The following EFCAB6 variants were observed in gnomAD, a reference collection of about 807,000 sequenced individuals.
The protein encoded by EFCAB6 is EF-hand calcium binding domain 6, also known as EF-hand calcium-binding domain-containing protein 6.
EFCAB6 carries 156 observed loss-of-function variants against 169.8 expected under a neutral mutation model. That is an observed-to-expected ratio of 0.92 (90% CI 0.81 to 1.05). EFCAB6 has a LOEUF of 1.05. EFCAB6 is among the 50% of genes least tolerant of loss of function. The pLI is 0.00. For synonymous variants in EFCAB6, 698 were observed against 676.4 expected (o/e 1.03, Z -0.50); for missense variants, 1,800 against 1,829.1 (o/e 0.98, Z 0.29).
intron 3 of EFCAB6, among the ~76,000 whole-genome samples, chr22:43,774,499 G>A (rs1049073764): frequency 6.6e-6 from 1 of 151,742 alleles, no homozygotes; most frequent in African/African-American, 2.4e-5. Flanking sequence ...CACCCACTGA[G>A]GGCCCAGCGC....
chr22:43,792,481 C>G (rs1357467730), intron 2 of EFCAB6, among the ~76,000 whole-genome samples: 1 of 152,122 alleles, frequency 6.6e-6, no homozygotes, highest in Non-Finnish European at 1.5e-5. Context: ...AATAATAAAA[C>G]AAGATTGAAG....
At chr22:43,754,951 T>C (rs1235387237) in intron 6 of EFCAB6, among the ~76,000 whole-genome samples, 2 of 152,238 alleles carry the variant, frequency 1.3e-5, no homozygotes, top group Non-Finnish European at 2.9e-5. Flanking sequence ...AACAGGTTTT[T>C]AGAAACACAT....
At chr22:43,616,867 A>C (rs2053725822) in intron 20 of EFCAB6, among the ~76,000 whole-genome samples, 1 of 152,124 alleles carries the variant, frequency 6.6e-6, no homozygotes, top group Non-Finnish European at 1.5e-5. Context: ...CCATGTGCAC[A>C]CCCACATTGG....
chr22:43,706,757 G>A (rs972394139), intron 10 of EFCAB6, among the ~76,000 whole-genome samples: 3 of 152,124 alleles, frequency 2.0e-5, no homozygotes, highest in African/African-American at 4.8e-5. Context: ...ATGTGTCCAC[G>A]TCAGAAACTC....
intron 2 of EFCAB6, chr22:43,802,460 G>A (rs566595788): frequency 8.7e-6 from 2 of 230,742 alleles, no homozygotes; most frequent in South Asian, 1.2e-4. Flanking sequence ...GAACCCAGGA[G>A]GCAGAGGTTG....
At chr22:43,629,001 T>C (rs985131674) in intron 19 of EFCAB6, among the ~76,000 whole-genome samples, 2 of 152,178 alleles carry the variant, frequency 1.3e-5, no homozygotes, top group Non-Finnish European at 2.9e-5. Flanking sequence ...AGCACTCTGC[T>C]GGGTACACAG....
At chr22:43,584,589 T>A (rs1301305985) in intron 24 of EFCAB6, among the ~76,000 whole-genome samples, 1 of 152,078 alleles carries the variant, frequency 6.6e-6, no homozygotes, top group African/African-American at 2.4e-5. Context: ...CTATAACAAC[T>A]TTCCAAGGGA....
intron 10 of EFCAB6, among the ~76,000 whole-genome samples, chr22:43,700,164 C>T (rs1220946500): frequency 6.6e-6 from 1 of 152,186 alleles, no homozygotes; most frequent in African/African-American, 2.4e-5. Context: ...ATACTACACA[C>T]ATGCACATAC....
chr22:43,766,890 C>T (rs1274354931), intron 4 of EFCAB6, among the ~76,000 whole-genome samples: 1 of 151,960 alleles, frequency 6.6e-6, no homozygotes, highest in African/African-American at 2.4e-5. Context: ...GATGGAGTCT[C>T]ATTCTGTTGC....
intron 8 of EFCAB6, among the ~76,000 whole-genome samples, chr22:43,718,677 A>C (rs1473519176): frequency 6.6e-6 from 1 of 152,140 alleles, no homozygotes; most frequent in East Asian, 1.9e-4. Context: ...GCTCCTCGGG[A>C]GGCTGAGTCA....
At chr22:43,730,631 G>A (rs1321667246) in intron 8 of EFCAB6, among the ~76,000 whole-genome samples, 5 of 152,062 alleles carry the variant, frequency 3.3e-5, no homozygotes, top group Admixed American at 6.5e-5. Flanking sequence ...TTCCATATAT[G>A]TGCCACGGAG....
chr22:43,678,480 G>C (rs972738025), intron 12 of EFCAB6, among the ~76,000 whole-genome samples: 2 of 152,042 alleles, frequency 1.3e-5, no homozygotes, highest in African/African-American at 4.8e-5. Context: ...CCCTTCCCCA[G>C]GGGCTTGAAT....
chr22:43,559,620 C>G (rs2048908667), intron 26 of EFCAB6, among the ~76,000 whole-genome samples: 1 of 152,180 alleles, frequency 6.6e-6, no homozygotes, highest in Non-Finnish European at 1.5e-5. Flanking sequence ...CCCAAATGCC[C>G]ATCAATGATA....
intron 10 of EFCAB6, among the ~76,000 whole-genome samples, chr22:43,709,104 C>T (rs2059063956): frequency 6.6e-6 from 1 of 152,116 alleles, no homozygotes. Flanking sequence ...TTTTTTGGGA[C>T]AGAGTCGTGC....
intron 26 of EFCAB6, among the ~76,000 whole-genome samples, chr22:43,575,189 G>GTTGT (rs1555933692): frequency 1.1e-4 from 16 of 148,470 alleles, no homozygotes; most frequent in Admixed American, 5.6e-4. Flanking sequence ...TGTTGTTGTT[G>GTTGT]TTGTTTGTTT....
At position 43,683,871 on chromosome 22, in the gene EFCAB6, G is replaced by C; in HGVS notation, c.1143-16C>G. 1 of 1,561,244 alleles carries C rather than the reference G, an allele frequency of 6.4e-7. No individual in the cohort carries two copies. Among genetic ancestry groups the C allele is most frequent in the Admixed American group, 1.7e-5 (1 of 59,818 alleles). On this transcript the variant is annotated splice_polypyrimidine_tract_variant and intron_variant, in intron 11 of 31. Transcript: ENST00000262726. ...AGAGTTGATGCTACAAGAGGATTAG[G>C]AGAAAAGCAGGAATAAGATTATGTT...
chr22:43,794,527 C>T (rs527799155), intron 2 of EFCAB6, among the ~76,000 whole-genome samples: 19 of 152,190 alleles, frequency 1.2e-4, no homozygotes, highest in Non-Finnish European at 1.8e-4. Flanking sequence ...TGTGTGTATT[C>T]GTATGTAAAC....
chr22:43,531,032 C>T (rs979847396), intron 30 of EFCAB6, 68 bp from the exon 31 acceptor site: 10 of 1,593,556 alleles, frequency 6.3e-6, no homozygotes, highest in Non-Finnish European at 7.7e-6. Flanking sequence ...GGCTCCTCCT[C>T]GCCTCGCCCC....
chr22:43,555,095 G>C lies in EFCAB6; in HGVS notation c.3422C>G (p.Thr1141Arg), dbSNP rs1375344346. Residue 1141 changes from threonine to arginine, a missense_variant and splice_region_variant, in exon 27 of 32, where the codon ACA (threonine) becomes AGA (arginine). Thr to Arg is a moderately conservative substitution (Grantham distance 71, BLOSUM62 -1). Transcript: ENST00000262726. ...LQNFSCFLEE[T>R]ADEWAEKMPK... is the part of the protein sequence containing the mutation. Reference sequence around the variant, plus strand: ...CATTTTCTCAGCCCACTCATCAGCTGTCTGGACAAAATAGAATGGAAATTG... The same window carrying C: ...CATTTTCTCAGCCCACTCATCAGCTCTCTGGACAAAATAGAATGGAAATTG... 13 of 1,614,068 alleles carry C rather than the reference G, an allele frequency of 8.1e-6. No homozygotes were observed. Among genetic ancestry groups the C allele is most frequent in the Non-Finnish European group, 1.1e-5 (13 of 1,180,018 alleles).
Sources: gnomAD v4.1 joint callset for allele counts (sites outside exome capture counted in the v4.1 genomes callset) on GRCh38, gnomAD v4.1.1 for gene constraint, MANE v1.5 for transcripts, NCBI Gene and HGNC (gene_info 2026-07-23, HGNC 2026-07-21) for gene names.